Variants in LSAMP observed in about 807,000 individuals in gnomAD.
LSAMP encodes the protein limbic system-associated membrane protein.
In LSAMP, 7 loss-of-function variants were observed where a neutral mutation model predicts 38.6. That is an observed-to-expected ratio of 0.18 (90% CI 0.10 to 0.34). The LOEUF (loss-of-function observed/expected upper bound fraction) is 0.34. Among genes scored for constraint, LSAMP ranks in the 10% least tolerant of loss-of-function variants. The pLI is 1.00. For missense variants in LSAMP, 313 were observed against 420.0 expected, an observed-to-expected ratio of 0.75 and a Z score of 2.23; for synonymous variants, 154 against 166.8, an observed-to-expected ratio of 0.92 and a Z score of 0.59.
At chr3:115,918,530 C>G (rs1001866054) in intron 3 of LSAMP, among the ~76,000 whole-genome samples, 65 of 152,270 alleles carry the variant, frequency 4.3e-4, no homozygotes, top group African/African-American at 1.5e-3. Context: ...CAGTCTCTCA[C>G]TGGCATGGCT....
chr3:115,967,925 C>T (rs909187608), intron 3 of LSAMP, among the ~76,000 whole-genome samples: 7 of 152,114 alleles, frequency 4.6e-5, no homozygotes, highest in African/African-American at 1.7e-4. Context: ...AGCCAAACCA[C>T]ATCACCTCCC....
intron 1 of LSAMP, among the ~76,000 whole-genome samples, chr3:116,089,873 T>C (rs1365163577): frequency 1.3e-5 from 2 of 152,044 alleles, no homozygotes; most frequent in African/African-American, 4.8e-5. Context: ...TACTCAGTAG[T>C]TGCAAAATAA....
At chr3:115,845,491 GGAA>G (rs1935129765) in intron 4 of LSAMP, among the ~76,000 whole-genome samples, 1 of 152,122 alleles carries the variant, frequency 6.6e-6, no homozygotes, top group Non-Finnish European at 1.5e-5. Flanking sequence ...GAAAAATTTG[GGAA>G]GAAGAAACTG....
In LSAMP at chr3:116,249,653, G is replaced by C. The variant is rs1467599385; in HGVS notation, c.156-163097C>G. Among the ~76,000 whole-genome samples the C allele has an allele frequency of 5.3e-5, 8 of 152,012 alleles. No homozygotes were observed. In the East Asian group the frequency reaches 1.6e-3, roughly 29 times the overall value. On this transcript the variant is annotated intron_variant, in intron 1 of 6. Coordinates refer to ENST00000490035, the MANE Select transcript of LSAMP (RefSeq NM_002338.5). ...CCCGCCTCAGCCTCCCAAAGTGCTGGGATTACAGGTGTGAGCCACCACACC... is the reference window on the plus strand; with the variant it reads ...CCCGCCTCAGCCTCCCAAAGTGCTGCGATTACAGGTGTGAGCCACCACACC...
chr3:116,144,133 A>AT (rs1427746772), intron 1 of LSAMP, among the ~76,000 whole-genome samples: 2 of 151,886 alleles, frequency 1.3e-5, no homozygotes, highest in South Asian at 2.1e-4. Context: ...TTATGTGGTC[A>AT]TTTTTTTTAA....
intron 1 of LSAMP, among the ~76,000 whole-genome samples, chr3:116,344,324 C>CA (rs1559835297): frequency 6.6e-6 from 1 of 151,962 alleles, no homozygotes; most frequent in African/African-American, 2.4e-5. Context: ...CCCAGAAATC[C>CA]GTTAATCACT....
At chr3:115,885,892 A>T (rs922583146) in intron 3 of LSAMP, among the ~76,000 whole-genome samples, 1 of 152,038 alleles carries the variant, frequency 6.6e-6, no homozygotes, top group Non-Finnish European at 1.5e-5. Context: ...TGAGTACTTG[A>T]CCTCTTAAAG....
chr3:115,892,602 G>A (rs1267366527), intron 3 of LSAMP, among the ~76,000 whole-genome samples: 1 of 151,814 alleles, frequency 6.6e-6, no homozygotes, highest in Non-Finnish European at 1.5e-5. Context: ...GGGAGTGCTA[G>A]TAGTGTTCTA....
chr3:116,221,507 T>C (rs1261782781), intron 1 of LSAMP, among the ~76,000 whole-genome samples: 1 of 152,204 alleles, frequency 6.6e-6, no homozygotes, highest in Non-Finnish European at 1.5e-5. Flanking sequence ...CATTTGTCTG[T>C]AAAGTGAGAT....
At chr3:116,268,212 A>AAAAATGTGTGTGTGTAGTAGGCAAGATGC (rs2046918405) in intron 1 of LSAMP, among the ~76,000 whole-genome samples, 1 of 152,004 alleles carries the variant, frequency 6.6e-6, no homozygotes, top group Admixed American at 6.6e-5. Flanking sequence ...CATTAAAAAA[A>AAAAATGTGTGTGTGTAGTAGGCAAGATGC]AAATGTGTGT....
rs561788646 is a variant in LSAMP, at chr3:115,804,007, C to T, written c.*6310G>A. 6.6e-6 allele frequency: 1 copy of T among 152,170 alleles called. No homozygotes were observed. The highest frequency in any genetic ancestry group is 2.4e-5 in the African/African-American group (1 of 41,446). 9.4% of individuals were successfully genotyped at this position (152,170 alleles called of 1,614,324 possible). On this transcript the variant is annotated 3_prime_UTR_variant, in exon 7 of 7. Transcript: ENST00000490035. ...GAAAGATTATTAGAATATAGTTCCACATTTAGGTTTTATAATATAAACAAG... is the reference window on the plus strand; with the variant it reads ...GAAAGATTATTAGAATATAGTTCCATATTTAGGTTTTATAATATAAACAAG...
chr3:116,192,053 C>T (rs1710766639), intron 1 of LSAMP, among the ~76,000 whole-genome samples: 1 of 152,146 alleles, frequency 6.6e-6, no homozygotes, highest in South Asian at 2.1e-4. Context: ...ATAACCTAAC[C>T]TAATAATCAT....
rs752678509 is a variant in LSAMP at position 116,086,304 on chromosome 3, C to G, written c.388+20G>C. On this transcript the variant is annotated intron_variant, in intron 2 of 6. Transcript: ENST00000490035. ...CTCCCACCTCTTTCTTACCACCCTT[C>G]TATCCCACACTTTCCTTACCTTGTA... 1 of 1,593,560 alleles carries G rather than the reference C, an allele frequency of 6.3e-7. No individual in the cohort carries two copies. The highest frequency in any genetic ancestry group is 8.6e-7 in the Non-Finnish European group (1 of 1,161,546).
At chr3:116,416,704 T>C (rs1331070910) in intron 1 of LSAMP, among the ~76,000 whole-genome samples, 14 of 152,174 alleles carry the variant, frequency 9.2e-5, no homozygotes, top group African/African-American at 2.4e-5. Flanking sequence ...TCTGCTCCCG[T>C]ACACATGGCT....
At chr3:116,227,041 G>C (rs1282224638) in intron 1 of LSAMP, among the ~76,000 whole-genome samples, 1 of 151,894 alleles carries the variant, frequency 6.6e-6, no homozygotes, top group Non-Finnish European at 1.5e-5. Context: ...AGTGGCCTTT[G>C]GTTTTGCCAC....
At chr3:116,304,770 A>G (rs1239272203) in intron 1 of LSAMP, among the ~76,000 whole-genome samples, 1 of 152,112 alleles carries the variant, frequency 6.6e-6, no homozygotes, top group Non-Finnish European at 1.5e-5. Flanking sequence ...AACTAAGGCC[A>G]TGGTGCTGAC....
chr3:115,926,042 G>C (rs1047588579), intron 3 of LSAMP, among the ~76,000 whole-genome samples: 2 of 151,816 alleles, frequency 1.3e-5, no homozygotes, highest in Admixed American at 1.3e-4. Context: ...ATCCTAGAGA[G>C]CATTAAAAAG....
At chr3:115,820,563 G>A (rs1380520927) in intron 6 of LSAMP, among the ~76,000 whole-genome samples, 1 of 152,104 alleles carries the variant, frequency 6.6e-6, no homozygotes, top group Non-Finnish European at 1.5e-5. Context: ...CTTGATTTTT[G>A]ACTTTCAGAT....
intron 1 of LSAMP, among the ~76,000 whole-genome samples, chr3:116,164,761 T>TATATA (rs754064532): frequency 0.032 from 1,329 of 41,006 alleles, 101 homozygotes; most frequent in East Asian, 0.21. Flanking sequence ...TATATATATA[T>TATATA]TTTTTTTTTT....
Sources: gnomAD v4.1 joint callset for allele counts (sites outside exome capture counted in the v4.1 genomes callset) on GRCh38, gnomAD v4.1.1 for gene constraint, MANE v1.5 for transcripts, NCBI Gene and HGNC (gene_info 2026-07-23, HGNC 2026-07-21) for gene names.